DCC: variants seen among roughly 807,000 people sequenced by gnomAD.
The protein encoded by DCC is DCC netrin 1 receptor.
In DCC, 58 loss-of-function variants were observed where a neutral mutation model predicts 172.5. That is an observed-to-expected ratio of 0.34 (90% CI 0.27 to 0.42). The LOEUF (loss-of-function observed/expected upper bound fraction) is 0.42, where lower values mean the gene tolerates loss of function less well. Among genes scored for constraint, DCC ranks in the 10% least tolerant of loss-of-function variants. The probability of loss-of-function intolerance (pLI) is 1.00; values close to 1 mark genes in which losing one functional copy is unlikely to be tolerated. For synonymous variants in DCC, 709 were observed against 644.5 expected, an observed-to-expected ratio of 1.10 and a Z score of -1.52; for missense variants, 1,740 against 1,791.0, an observed-to-expected ratio of 0.97 and a Z score of 0.51.
intron 9 of DCC, among the ~76,000 whole-genome samples, chr18:53,184,823 G>A (rs1305971473): frequency 1.3e-5 from 2 of 152,130 alleles, no homozygotes; most frequent in African/African-American, 2.4e-5. Context: ...GTTTGGGAAA[G>A]ATACAAAATA....
chr18:52,535,887 T>C (rs894651612), intron 1 of DCC, among the ~76,000 whole-genome samples: 1 of 152,064 alleles, frequency 6.6e-6, no homozygotes, highest in African/African-American at 2.4e-5. Flanking sequence ...GATTACACAG[T>C]GCAGAGTGCT....
chr18:52,472,644 T>A (rs1422968185), intron 1 of DCC, among the ~76,000 whole-genome samples: 1 of 152,210 alleles, frequency 6.6e-6, no homozygotes, highest in Non-Finnish European at 1.5e-5. Flanking sequence ...GGCTCACGCC[T>A]GCTATCCCAG....
At chr18:53,438,179 G>A (rs970207768) in intron 22 of DCC, among the ~76,000 whole-genome samples, 7 of 152,084 alleles carry the variant, frequency 4.6e-5, no homozygotes, top group African/African-American at 1.7e-4. Flanking sequence ...CCAGTCAAGG[G>A]AATACTATCT....
At chr18:53,106,955 A>G (rs1436497148) in intron 7 of DCC, among the ~76,000 whole-genome samples, 1 of 151,960 alleles carries the variant, frequency 6.6e-6, no homozygotes, top group Non-Finnish European at 1.5e-5. Flanking sequence ...AGCGAAACTT[A>G]TTCTTAAAAT....
rs573206861 is a variant in DCC at position 53,194,325 on chromosome 18, A to T, written c.1574-10891A>T. Among the ~76,000 whole-genome samples, 22 of 151,964 alleles carry T rather than the reference A, an allele frequency of 1.4e-4. No homozygotes were observed. The South Asian group carries it at 3.1e-3, about 22-fold the overall frequency. The stretch of plus-strand genomic sequence containing the variant: ...GTATGGAGATATAACAACAAATGAA[A>T]CTCGATGTGGATTATTTATGAGGAG... On this transcript the variant is annotated intron_variant, in intron 9 of 28. Coordinates refer to ENST00000442544, the MANE Select transcript of DCC (RefSeq NM_005215.4).
chr18:53,048,005 A>G (rs2042280044), intron 5 of DCC, among the ~76,000 whole-genome samples: 1 of 151,686 alleles, frequency 6.6e-6, no homozygotes, highest in Admixed American at 6.6e-5. Flanking sequence ...CTCATTTATA[A>G]TTAGGAAAAT....
At chr18:52,986,251 C>T (rs562809908) in intron 5 of DCC, among the ~76,000 whole-genome samples, 11 of 152,146 alleles carry the variant, frequency 7.2e-5, no homozygotes, top group Admixed American at 4.6e-4. Context: ...TTCCTACCTG[C>T]GAAAATCATT....
At chr18:52,954,145 G>C (rs1175022086) in intron 5 of DCC, among the ~76,000 whole-genome samples, 1 of 151,990 alleles carries the variant, frequency 6.6e-6, no homozygotes, top group Non-Finnish European at 1.5e-5. Flanking sequence ...TCATCGTATT[G>C]CTGGCATACT....
chr18:52,340,382 C>T lies in DCC; in HGVS notation c.-406C>T, dbSNP rs1431583268. ...AGGAACCAGCCTCAACCTTTTAATG[C>T]ACAGCCCGGCCACAGGATTGCCTTC... On this transcript the variant is annotated 5_prime_UTR_variant, in exon 1 of 29. Coordinates refer to ENST00000442544, the MANE Select transcript of DCC (RefSeq NM_005215.4). The T allele has an allele frequency of 1.6e-5, 4 of 255,746 alleles. No individual in the cohort carries two copies. The highest frequency in any genetic ancestry group is 3.1e-5 in the Non-Finnish European group (4 of 130,126). 15.8% of individuals were successfully genotyped at this position (255,746 alleles called of 1,614,324 possible).
intron 4 of DCC, among the ~76,000 whole-genome samples, chr18:52,924,988 A>G (rs2040179432): frequency 6.6e-6 from 1 of 151,584 alleles, no homozygotes; most frequent in Non-Finnish European, 1.5e-5. Flanking sequence ...TTTTTTTAGC[A>G]CTAAAGTTAC....
At chr18:52,884,239 A>T (rs953743574) in intron 2 of DCC, among the ~76,000 whole-genome samples, 30 of 151,942 alleles carry the variant, frequency 2.0e-4, no homozygotes, top group Admixed American at 1.3e-4. Flanking sequence ...TGATATATTT[A>T]TCTAGGTTTT....
rs192905267 is a variant in DCC at position 53,155,125 on chromosome 18, C to T, written c.1262-2231C>T. 3.0e-4 allele frequency among the ~76,000 whole-genome samples: 45 copies of T among 151,594 alleles called. 1 individual carries two copies. The East Asian group carries it at 6.6e-3, about 22-fold the overall frequency. On this transcript the variant is annotated intron_variant, in intron 7 of 28. Coordinates refer to ENST00000442544, the MANE Select transcript of DCC (RefSeq NM_005215.4). ...TTTTTTTTTTGCCATTCTTTAAAACCTCTATTTCTCTGTATAGCTAGTAAG... is the reference window on the plus strand; with the variant it reads ...TTTTTTTTTTGCCATTCTTTAAAACTTCTATTTCTCTGTATAGCTAGTAAG...
chr18:53,338,332 G>A (rs1458186907), intron 14 of DCC, among the ~76,000 whole-genome samples: 5 of 152,290 alleles, frequency 3.3e-5, no homozygotes, highest in Middle Eastern at 3.4e-3. Flanking sequence ...GGCTGGGCAC[G>A]ATGGCTCAAG....
chr18:52,847,437 G>A (rs8088779), intron 2 of DCC, among the ~76,000 whole-genome samples: 2 of 151,898 alleles, frequency 1.3e-5, no homozygotes, highest in Non-Finnish European at 2.9e-5. Flanking sequence ...GGCTCAGAAC[G>A]GTAGCTATCT....
chr18:52,372,756 T>C (rs529307723), intron 1 of DCC, among the ~76,000 whole-genome samples: 1 of 152,312 alleles, frequency 6.6e-6, no homozygotes, highest in Non-Finnish European at 1.5e-5. Flanking sequence ...CAAAGTATTT[T>C]GACGGTGCAA....
At chr18:52,404,953 A>G (rs2144386306) in intron 1 of DCC, among the ~76,000 whole-genome samples, 1 of 151,396 alleles carries the variant, frequency 6.6e-6, no homozygotes, top group African/African-American at 2.4e-5. Flanking sequence ...GAGAATGATG[A>G]TTTCCAATTT....
chr18:52,867,448 G>T (rs1013168336), intron 2 of DCC, among the ~76,000 whole-genome samples: 1 of 151,912 alleles, frequency 6.6e-6, no homozygotes, highest in Non-Finnish European at 1.5e-5. Context: ...AGTTTCAGAA[G>T]AAATGGTACC....
At chr18:52,470,606 T>A (rs1314317482) in intron 1 of DCC, among the ~76,000 whole-genome samples, 1 of 151,620 alleles carries the variant, frequency 6.6e-6, no homozygotes, top group Non-Finnish European at 1.5e-5. Flanking sequence ...ATTTGAGGGG[T>A]TTCTAAGAAC....
chr18:52,824,208 T>G (rs1429133740), intron 2 of DCC, among the ~76,000 whole-genome samples: 1 of 152,188 alleles, frequency 6.6e-6, no homozygotes, highest in Admixed American at 6.5e-5. Context: ...GTGATGTTTT[T>G]TTCTTCAACT....
Sources: gnomAD v4.1 joint callset for allele counts (sites outside exome capture counted in the v4.1 genomes callset) on GRCh38, gnomAD v4.1.1 for gene constraint, MANE v1.5 for transcripts, NCBI Gene and HGNC (gene_info 2026-07-23, HGNC 2026-07-21) for gene names.